The following FAM53A variants were observed in gnomAD, a reference collection of about 807,000 sequenced individuals.
FAM53A encodes family with sequence similarity 53 member A.
Under a neutral mutation model 26.6 loss-of-function variants are expected in FAM53A, and 28 were observed. The ratio of observed to expected loss-of-function variants is 1.05; its 90% CI spans 0.78 to 1.45. The LOEUF (loss-of-function observed/expected upper bound fraction) is 1.45. Among genes scored for constraint, FAM53A ranks in the 40% most tolerant of loss-of-function variants. The pLI, the probability that FAM53A is intolerant of heterozygous loss-of-function variation, is 0.00. For synonymous variants in FAM53A, 290 were observed against 253.1 expected (o/e 1.15, Z -1.38); for missense variants, 650 against 575.8 (o/e 1.13, Z -1.32).
At chr4:1,672,236 G>A (rs1714724752) in intron 1 of FAM53A, among the ~76,000 whole-genome samples, 1 of 138,294 alleles carries the variant, frequency 7.2e-6, no homozygotes, top group Non-Finnish European at 1.6e-5. Flanking sequence ...CATGAACCCA[G>A]GAACGCACGG....
the FAM53A span, among the ~76,000 whole-genome samples, chr4:1,600,895 A>G: frequency 7.2e-5 from 11 of 151,998 alleles, no homozygotes; most frequent in African/African-American, 2.7e-4. Context: ...TTCGGAGGAG[A>G]CGGCTCCTGT....
the FAM53A span, among the ~76,000 whole-genome samples, chr4:1,587,020 G>C: frequency 8.5e-5 from 13 of 152,240 alleles, no homozygotes; most frequent in African/African-American, 3.1e-4. Context: ...ACAACCCGTT[G>C]GCCATTTGTG....
chr4:1,602,059 G>A, the FAM53A span, among the ~76,000 whole-genome samples: 1,033 of 152,008 alleles, frequency 6.8e-3, 4 homozygotes, highest in Non-Finnish European at 0.011. Flanking sequence ...TGGGACGGTG[G>A]GTGTCACCTT....
Position 1,668,867 on chromosome 4 carries a change from A to G in FAM53A, c.-126T>C. Reference sequence around the variant, plus strand: ...GGTCATGTCTCCACTTTCTTTACAGATGAGCAGTCCACGCCCACGGGCTCT... The same window carrying G: ...GGTCATGTCTCCACTTTCTTTACAGGTGAGCAGTCCACGCCCACGGGCTCT... On this transcript the variant is annotated 5_prime_UTR_variant, in exon 2 of 5. Transcript: ENST00000308132. 3 of 808,658 alleles carry G rather than the reference A, an allele frequency of 3.7e-6. No individual in the cohort carries two copies. Among genetic ancestry groups the G allele is most frequent in the Non-Finnish European group, 6.1e-6 (3 of 491,258 alleles). The allele number at this position is 808,658 out of a possible 1,614,324, so 50.1% of individuals were successfully genotyped here.
the FAM53A span, among the ~76,000 whole-genome samples, chr4:1,582,647 G>A: frequency 6.6e-6 from 1 of 152,196 alleles, no homozygotes; most frequent in Non-Finnish European, 1.5e-5. Flanking sequence ...CTTGAGCCCA[G>A]GAGTTCAAGA....
At chr4:1,579,432 C>T in the FAM53A span, among the ~76,000 whole-genome samples, 2 of 152,234 alleles carry the variant, frequency 1.3e-5, no homozygotes, top group African/African-American at 4.8e-5. Context: ...GCGCCACCCC[C>T]CCGCCCTCCG....
chr4:1,668,654 T>G lies in FAM53A; in HGVS notation c.75+13A>C. On this transcript the variant is annotated intron_variant, in intron 2 of 4. Transcript: ENST00000308132. ...GAGGGGCACCCAGCCTGGTGCCACC[T>G]GCAGCTGCTTACCGGGCCAGCCTCC... 1 of 1,613,982 alleles carries G rather than the reference T, an allele frequency of 6.2e-7. No individual in the cohort carries two copies. Among genetic ancestry groups the G allele is most frequent in the African/African-American group, 1.3e-5 (1 of 75,042 alleles).
At chr4:1,670,228 C>T (rs144681515) in intron 1 of FAM53A, among the ~76,000 whole-genome samples, 5 of 152,392 alleles carry the variant, frequency 3.3e-5, no homozygotes, top group Admixed American at 2.0e-4. Context: ...GGTTTCAACA[C>T]GGTTCGATAC....
At chr4:1,673,889 C>T (rs1020180649) in intron 1 of FAM53A, among the ~76,000 whole-genome samples, 3 of 152,266 alleles carry the variant, frequency 2.0e-5, no homozygotes, top group Non-Finnish European at 2.9e-5. Flanking sequence ...AAAAGCAGCT[C>T]CCTGCTGGGA....
At chr4:1,670,508 C>A (rs954937344) in intron 1 of FAM53A, among the ~76,000 whole-genome samples, 2 of 152,352 alleles carry the variant, frequency 1.3e-5, no homozygotes, top group South Asian at 4.1e-4. Context: ...GTGCCACCCA[C>A]CCATGGGGCT....
At chr4:1,644,371 C>T (rs557387962) in intron 4 of FAM53A, 9 of 1,533,164 alleles carry the variant, frequency 5.9e-6, no homozygotes, top group East Asian at 4.9e-5. Flanking sequence ...AGGCTCTGAA[C>T]GCCTCTGGAC....
intron 1 of FAM53A, among the ~76,000 whole-genome samples, chr4:1,632,339 A>G (rs1296672911): frequency 6.6e-6 from 1 of 152,116 alleles, no homozygotes; most frequent in Non-Finnish European, 1.5e-5. Flanking sequence ...AGACAGGGAG[A>G]TAGTGGCCGC....
upstream of FAM53A, among the ~76,000 whole-genome samples, chr4:1,684,724 C>T (rs1164424651): frequency 6.6e-6 from 1 of 152,006 alleles, no homozygotes; most frequent in African/African-American, 2.4e-5. Context: ...GGGCCCGAGG[C>T]TCGCCGCCGC....
At chr4:1,674,446 A>G (rs1316167328) in intron 1 of FAM53A, among the ~76,000 whole-genome samples, 1 of 152,122 alleles carries the variant, frequency 6.6e-6, no homozygotes, top group African/African-American at 2.4e-5. Context: ...GAGGCAGGCA[A>G]ATCACAAGGT....
intron 2 of FAM53A, among the ~76,000 whole-genome samples, chr4:1,662,833 A>G (rs779741809): frequency 1.3e-5 from 2 of 152,190 alleles, no homozygotes; most frequent in African/African-American, 2.4e-5. Flanking sequence ...CCACAATGAG[A>G]TACCACTCCA....
chr4:1,685,763 A>G (rs974374056), upstream of FAM53A, among the ~76,000 whole-genome samples: 2 of 152,152 alleles, frequency 1.3e-5, no homozygotes, highest in Non-Finnish European at 2.9e-5. Context: ...TGCAACAGTC[A>G]GGCTGTGCTG....
chr4:1,657,793 A>G (rs1262675327), intron 2 of FAM53A, among the ~76,000 whole-genome samples: 1 of 150,762 alleles, frequency 6.6e-6, no homozygotes, highest in Non-Finnish European at 1.5e-5. Context: ...GCCCACCACC[A>G]CGCCCGGTTA....
At chr4:1,605,574 C>T in the FAM53A span, among the ~76,000 whole-genome samples, 1 of 152,174 alleles carries the variant, frequency 6.6e-6, no homozygotes, top group African/African-American at 2.4e-5. This position sits in a 1 kb window ranked among gnomAD's most constrained non-coding sequence, Gnocchi z 5.7. Context: ...CGCCCTCCAG[C>T]CACACTTCCC....
the FAM53A span, among the ~76,000 whole-genome samples, chr4:1,596,835 G>A: frequency 6.9e-6 from 1 of 144,640 alleles, no homozygotes; most frequent in African/African-American, 2.9e-5. Flanking sequence ...GGGAGAGACA[G>A]AGATGGGGAA....
Sources: gnomAD v4.1 joint callset for allele counts (sites outside exome capture counted in the v4.1 genomes callset) on GRCh38, gnomAD v4.1.1 for gene constraint, Gnocchi (gnomAD v3.1) non-coding constraint, MANE v1.5 for transcripts, NCBI Gene and HGNC (gene_info 2026-07-23, HGNC 2026-07-21) for gene names.